HSPA12B: variants seen among roughly 807,000 people sequenced by gnomAD.
HSPA12B encodes heat shock protein family A (Hsp70) member 12B, also known as heat shock 70 kDa protein 12B.
In HSPA12B, 54 loss-of-function variants were observed where a neutral mutation model predicts 69.3. The observed-to-expected ratio is 0.78, with a 90% CI of 0.63 to 0.98. The LOEUF (loss-of-function observed/expected upper bound fraction) is 0.98. Among genes scored for constraint, HSPA12B ranks in the 50% least tolerant of loss-of-function variants. The pLI is 0.00. For missense variants in HSPA12B, 929 were observed against 999.8 expected (o/e 0.93, Z 0.96); for synonymous variants, 441 against 436.5 (o/e 1.01, Z -0.13).
At chr20:3,733,339 T>C (rs2088059982) in intron 1 of HSPA12B, among the ~76,000 whole-genome samples, 1 of 151,920 alleles carries the variant, frequency 6.6e-6, no homozygotes, top group Non-Finnish European at 1.5e-5. Context: ...AGCCTATCTG[T>C]GAGGTTAGCG....
chr20:3,735,398 G>A (rs1426581561), intron 1 of HSPA12B, among the ~76,000 whole-genome samples: 3 of 151,966 alleles, frequency 2.0e-5, no homozygotes, highest in Admixed American at 1.3e-4. Flanking sequence ...ACAAGCTTCC[G>A]ATAGCTGGGA....
chr20:3,749,879 T>G lies in HSPA12B; in HGVS notation c.1042+25T>G, dbSNP rs2088378645. On this transcript the variant is annotated intron_variant, in intron 10 of 12. Transcript: ENST00000254963. This position sits in a 1 kb window ranked among gnomAD's most constrained non-coding sequence, Gnocchi z 5.5. ...GGTGAGTAGCCAGGCGGCGCCCCGG[T>G]ACCCAGCGCGACCCGGGCTCCGGCC... 6.4e-7 allele frequency: 1 copy of G among 1,565,450 alleles called. No individual in the cohort carries two copies. Among genetic ancestry groups the G allele is most frequent in the Non-Finnish European group, 8.7e-7 (1 of 1,154,744 alleles).
Position 3,744,992 on chromosome 20 carries a change from C to T in HSPA12B, c.357C>T (p.Gly119=). ...CGGAGGGCGCCTTCCACAGCTTTGG[C>T]TACACCGCCCGCGATTACTACCATG... ...LTPEGAFHSF[G]YTARDYYHDL... is the part of the protein sequence containing the mutation. Residue 119 remains glycine (G), a synonymous_variant, in exon 5 of 13, where the codon GGC becomes GGT. Coordinates refer to ENST00000254963, the MANE Select transcript of HSPA12B (RefSeq NM_052970.5). This position sits in a 1 kb window ranked among gnomAD's most constrained non-coding sequence, Gnocchi z 4.9. 6.2e-6 allele frequency: 10 copies of T among 1,614,028 alleles called. No individual in the cohort carries two copies. Among genetic ancestry groups the T allele is most frequent in the Non-Finnish European group, 8.5e-6 (10 of 1,180,026 alleles).
chr20:3,750,295 CCGGGCCCCAAGGAA>C, intron 11 of HSPA12B, 68 bp downstream of exon 11: 6 of 1,445,972 alleles, frequency 4.1e-6, no homozygotes, highest in Non-Finnish European at 5.5e-6. Context: ...CTGGAGGGTC[CCGGGCCCCAAGGAA>C]CGGTGGGGGT....
At chr20:3,746,926 A>C (rs1315380164) in intron 7 of HSPA12B, among the ~76,000 whole-genome samples, 1 of 152,164 alleles carries the variant, frequency 6.6e-6, no homozygotes, top group Non-Finnish European at 1.5e-5. Flanking sequence ...AGCAGCCAAC[A>C]CTCACAGTGG....
Position 3,750,897 on chromosome 20 carries a change from C to A in HSPA12B, c.1395C>A (p.Ile465=). 6.2e-7 allele frequency: 1 copy of A among 1,613,926 alleles called. No homozygotes were observed. The highest frequency in any genetic ancestry group is 8.5e-7 in the Non-Finnish European group (1 of 1,179,954). The change falls in exon 12 of 13, where the codon ATC becomes ATA. Residue 465 remains isoleucine (I), a synonymous_variant. Transcript: ENST00000254963. The part of the protein sequence containing the change: ...ELFQPTVSGI[I]QHIEALLARP... The stretch of plus-strand genomic sequence containing the variant: ...TTCAGCCCACCGTCAGCGGGATCAT[C>A]CAGCACATAGGTGAGCACCTGAGCT...
In HSPA12B at chr20:3,750,618, CTGAG is replaced by C. The variant is rs1568480133; in HGVS notation, c.1302-180_1302-177del. On this transcript the variant is annotated intron_variant, in intron 11 of 12. Transcript: ENST00000254963. ...TGGAGCAGGCTGGCAACTAAATCCT[CTGAG>C]TGAGTAGGGTGGAGATAAGGGACTA... 4 of 971,612 alleles carry C rather than the reference CTGAG, an allele frequency of 4.1e-6. No homozygotes were observed. In the African/African-American group the frequency reaches 5.3e-5, roughly 13 times the overall value. The allele number at this position is 971,612 out of a possible 1,614,324, so 60.2% of individuals were successfully genotyped here.
At chr20:3,738,578 C>T (rs1459528946) in intron 1 of HSPA12B, 80 bp from the exon 2 acceptor site, 1 of 1,397,772 alleles carries the variant, frequency 7.2e-7, no homozygotes, top group Non-Finnish European at 1.0e-6. Context: ...CAAAAGTAAA[C>T]AAATAAAATA....
At chr20:3,751,442 A>C in intron 12 of HSPA12B, 69 bp from the exon 13 acceptor site, 2 of 1,361,064 alleles carry the variant, frequency 1.5e-6, no homozygotes, top group East Asian at 2.9e-5. Context: ...TGGTGGCCTC[A>C]GTGGCTCTCT....
chr20:3,745,097 C>T lies in HSPA12B; in HGVS notation c.453+9C>T, dbSNP rs763142328. 6.2e-7 allele frequency: 1 copy of T among 1,610,736 alleles called. No individual in the cohort carries two copies. The highest frequency in any genetic ancestry group is 1.7e-5 in the Admixed American group (1 of 59,948). ...AGATCCACAGCGCCACGGTGAGTCACAGGGCTCCAGACAGGGAGGCGGGGC... is the reference window on the plus strand; with the variant it reads ...AGATCCACAGCGCCACGGTGAGTCATAGGGCTCCAGACAGGGAGGCGGGGC... On this transcript the variant is annotated intron_variant, in intron 5 of 12. Coordinates refer to ENST00000254963, the MANE Select transcript of HSPA12B (RefSeq NM_052970.5). The surrounding 1 kb of genome is among the most constrained non-coding windows in gnomAD (Gnocchi z 5.6).
chr20:3,738,688 C>G lies in HSPA12B; in HGVS notation c.14C>G (p.Pro5Arg). The G allele has an allele frequency of 6.2e-7, 1 of 1,614,098 alleles. No individual in the cohort carries two copies. Among genetic ancestry groups the G allele is most frequent in the Non-Finnish European group, 8.5e-7 (1 of 1,180,010 alleles). The change falls in exon 2 of 13, where the codon CCG becomes CGG. Residue 5 changes from proline (P) to arginine (R), a missense_variant. By Grantham distance (103) the Pro-to-Arg change is moderately radical. Around this residue, in one of 3 missense-constraint regions of HSPA12B, gnomAD observed 477 missense variants for 535.2 expected, o/e 0.89. Transcript: ENST00000254963. ...GGGCCTGCAAGGATGTTGGCTGTCC[C>G]GGAGATGGGCCTGCAGGGGCTGTAC... MLAV[P>R]EMGLQGLYIG... is the part of the protein sequence containing the mutation.
rs1381043914 is a variant in HSPA12B, at chr20:3,737,087, AATAAATAAATAAATAAATAT to A, written c.-17-1570_-17-1551del. On this transcript the variant is annotated intron_variant, in intron 1 of 12. Coordinates refer to ENST00000254963, the MANE Select transcript of HSPA12B (RefSeq NM_052970.5). This position sits in a 1 kb window ranked among gnomAD's most constrained non-coding sequence, Gnocchi z 4.1. Reference sequence around the variant, plus strand: ...AAATAAATAAATAAATAAATAAATAAATAAATAAATAAATAAATATGAAATACATGTTCTGATTCAGCAGG... The same window carrying A: ...AAATAAATAAATAAATAAATAAATAAGAAATACATGTTCTGATTCAGCAGG... Among the ~76,000 whole-genome samples, 1 of 121,726 alleles carries A rather than the reference AATAAATAAATAAATAAATAT, an allele frequency of 8.2e-6. No homozygotes were observed. Among genetic ancestry groups the A allele is most frequent in the Admixed American group, 9.4e-5 (1 of 10,666 alleles). 79.9% of individuals were successfully genotyped at this position (121,726 alleles called of 152,430 possible). A position where few individuals can be genotyped will look rare whatever the true frequency, so the allele number is the denominator to read the frequency against.
intron 11 of HSPA12B, 198 bp from the exon 12 acceptor site, chr20:3,750,606 C>A: frequency 1.1e-6 from 1 of 945,394 alleles, no homozygotes; most frequent in Non-Finnish European, 1.3e-6. Context: ...AGCAGGCTGG[C>A]AACTAAATCC....
Position 3,742,404 on chromosome 20 carries a change from ATGAGG to A in HSPA12B, c.266+3_266+7del. 6.2e-7 allele frequency: 1 copy of A among 1,609,780 alleles called. No homozygotes were observed. On this transcript the variant is annotated splice_donor_variant and coding_sequence_variant, in exon 4 of 13. Coordinates refer to ENST00000254963, the MANE Select transcript of HSPA12B (RefSeq NM_052970.5). LOFTEE classifies it high-confidence loss of function. ...CAGTGACCCTGAGGCCATCCACATG[ATGAGG>A]TGAGGTCGGCTGGGCTGAGAGAGTG...
Position 3,745,209 on chromosome 20 carries a change from G to T in HSPA12B, c.453+121G>T. On this transcript the variant is annotated intron_variant, in intron 5 of 12. Coordinates refer to ENST00000254963, the MANE Select transcript of HSPA12B (RefSeq NM_052970.5). The surrounding 1 kb of genome is among the most constrained non-coding windows in gnomAD (Gnocchi z 5.6). Reference sequence around the variant, plus strand: ...CGGCCCGATGGAGTCGTGGCTGAGAGGGGGCGGGGCTAAAGGGAGACGTCG... The same window carrying T: ...CGGCCCGATGGAGTCGTGGCTGAGATGGGGCGGGGCTAAAGGGAGACGTCG... 4 of 945,748 alleles carry T rather than the reference G, an allele frequency of 4.2e-6. No individual in the cohort carries two copies. The highest frequency in any genetic ancestry group is 1.6e-5 in the South Asian group (1 of 63,694). 58.6% of individuals were successfully genotyped at this position (945,748 alleles called of 1,614,324 possible).
intron 4 of HSPA12B, among the ~76,000 whole-genome samples, chr20:3,742,708 T>TC (rs1049708769): frequency 1.3e-5 from 2 of 151,860 alleles, no homozygotes; most frequent in Admixed American, 6.6e-5. Flanking sequence ...TTCCTTTTTT[T>TC]TTTTTTTGAG....
intron 3 of HSPA12B, among the ~76,000 whole-genome samples, chr20:3,741,408 G>T (rs1402123992): frequency 6.6e-6 from 1 of 152,070 alleles, no homozygotes; most frequent in Admixed American, 6.5e-5. Context: ...GAGGTGGGCA[G>T]ATTGCTTTGA....
In HSPA12B at chr20:3,745,559, G is replaced by A; in HGVS notation, c.520G>A (p.Ala174Thr). The change falls in exon 6 of 13, where the codon GCC (alanine) becomes ACC (threonine). Residue 174 changes from alanine (A) to threonine (T), a missense_variant. Physicochemically the swap from Ala to Thr is moderately conservative, Grantham distance 58. Coordinates refer to ENST00000254963, the MANE Select transcript of HSPA12B (RefSeq NM_052970.5). This position sits in a 1 kb window ranked among gnomAD's most constrained non-coding sequence, Gnocchi z 5.6. ...GKTMPALEVF[A>T]HALRFFREHA... ...GACGATGCCCGCCCTGGAGGTGTTCGCCCATGCCCTGCGCTTCTTCAGGGA... is the reference window on the plus strand; with the variant it reads ...GACGATGCCCGCCCTGGAGGTGTTCACCCATGCCCTGCGCTTCTTCAGGGA... 2 of 1,614,128 alleles carry A rather than the reference G, an allele frequency of 1.2e-6. No homozygotes were observed. The highest frequency in any genetic ancestry group is 1.7e-6 in the Non-Finnish European group (2 of 1,180,018).
At position 3,738,655 on chromosome 20, in the gene HSPA12B, C is replaced by T. The variant is rs529567363; in HGVS notation, c.-17-3C>T. ...CACTCTGCTTGTCTGTTCCTGTTGA[C>T]AGCTACAGGGCCTGCAAGGATGTTG... On this transcript the variant is annotated splice_polypyrimidine_tract_variant and splice_region_variant and intron_variant, in intron 1 of 12. Transcript: ENST00000254963. 107 of 1,613,728 alleles carry T rather than the reference C, an allele frequency of 6.6e-5. No individual in the cohort carries two copies. In the Middle Eastern group the frequency reaches 8.2e-4, roughly 12 times the overall value.
Sources: allele counts gnomAD v4.1 joint callset (sites outside exome capture counted in the v4.1 genomes callset), GRCh38; gene constraint gnomAD v4.1.1; regional missense constraint gnomAD v4.1.1; non-coding constraint Gnocchi (gnomAD v3.1); transcripts MANE v1.5; gene names NCBI Gene and HGNC (gene_info 2026-07-23, HGNC 2026-07-21).